Variants in MICU1 observed in about 807,000 individuals in gnomAD.
MICU1 encodes the protein mitochondrial calcium uptake 1.
MICU1 carries 45 observed loss-of-function variants against 56.8 expected under a neutral mutation model. The ratio of observed to expected loss-of-function variants is 0.79; its 90% CI spans 0.62 to 1.02. The LOEUF (loss-of-function observed/expected upper bound fraction) is 1.02, where lower values mean the gene tolerates loss of function less well. MICU1 is among the 50% of genes least tolerant of loss of function. The pLI, the probability that MICU1 is intolerant of heterozygous loss-of-function variation, is 0.00. For synonymous variants in MICU1, 186 were observed against 195.1 expected, an observed-to-expected ratio of 0.95 and a Z score of 0.39; for missense variants, 504 against 587.1, an observed-to-expected ratio of 0.86 and a Z score of 1.46.
intron 8 of MICU1, among the ~76,000 whole-genome samples, chr10:72,441,015 A>G (rs1864905037): frequency 6.6e-6 from 1 of 152,216 alleles, no homozygotes. Flanking sequence ...ATCTAGAACC[A>G]GAATTACCAT....
At chr10:72,375,556 G>A (rs1226899854) in intron 11 of MICU1, among the ~76,000 whole-genome samples, 1 of 152,180 alleles carries the variant, frequency 6.6e-6, no homozygotes, top group East Asian at 1.9e-4. Context: ...TAGGCCTATA[G>A]GCATATTGGA....
chr10:72,585,889 A>T (rs1841035418), intron 1 of MICU1, among the ~76,000 whole-genome samples: 1 of 151,858 alleles, frequency 6.6e-6, no homozygotes, highest in African/African-American at 2.4e-5. Flanking sequence ...TATACTCTAA[A>T]CCATCCCTAG....
chr10:72,505,034 T>C (rs923029575), intron 6 of MICU1, among the ~76,000 whole-genome samples: 1 of 151,724 alleles, frequency 6.6e-6, no homozygotes, highest in Non-Finnish European at 1.5e-5. Context: ...TGCAGTGGAG[T>C]GTGATCTCGG....
At chr10:72,456,104 T>C (rs1262269559) in intron 8 of MICU1, among the ~76,000 whole-genome samples, 1 of 152,178 alleles carries the variant, frequency 6.6e-6, no homozygotes, top group Non-Finnish European at 1.5e-5. Context: ...GTGGCAACTA[T>C]GAACAGCACC....
In MICU1 at chr10:72,408,940, A is replaced by G. The variant is rs75206186; in HGVS notation, c.1072-903T>C. Reference sequence around the variant, plus strand: ...ATCTAATGAAATTCTGTGAATGAAGATTTTTTTTTCAAAAACGGTTTAAAG... The same window carrying G: ...ATCTAATGAAATTCTGTGAATGAAGGTTTTTTTTTCAAAAACGGTTTAAAG... On this transcript the variant is annotated intron_variant, in intron 9 of 11. Coordinates refer to ENST00000361114, the MANE Select transcript of MICU1 (RefSeq NM_001195518.2). Among the ~76,000 whole-genome samples the G allele has an allele frequency of 7.2e-3, 1,097 of 151,646 alleles. 10 individuals carry two copies. Among genetic ancestry groups the G allele is most frequent in the Non-Finnish European group, 0.013 (885 of 67,886 alleles).
chr10:72,487,291 T>C (rs1163546890), intron 6 of MICU1, among the ~76,000 whole-genome samples: 1 of 152,112 alleles, frequency 6.6e-6, no homozygotes, highest in Non-Finnish European at 1.5e-5. Flanking sequence ...GCACATACAA[T>C]TCTGACAGAA....
intron 4 of MICU1, among the ~76,000 whole-genome samples, chr10:72,549,481 G>C (rs1432807699): frequency 2.0e-5 from 3 of 152,042 alleles, no homozygotes; most frequent in Non-Finnish European, 4.4e-5. Context: ...ATGAGCCACA[G>C]CGCCTGGCCC....
intron 1 of MICU1, among the ~76,000 whole-genome samples, chr10:72,600,877 T>C (rs1029260011): frequency 6.6e-5 from 10 of 152,132 alleles, no homozygotes; most frequent in African/African-American, 1.9e-4. Flanking sequence ...TATCCCCCCG[T>C]AGATAAGGGG....
intron 8 of MICU1, among the ~76,000 whole-genome samples, chr10:72,459,762 T>C (rs1413379819): frequency 6.6e-6 from 1 of 152,214 alleles, no homozygotes; most frequent in Non-Finnish European, 1.5e-5. Context: ...CAAATTCATA[T>C]ATCCAATTGC....
chr10:72,502,380 T>C (rs1341310534), intron 6 of MICU1, among the ~76,000 whole-genome samples: 1 of 152,142 alleles, frequency 6.6e-6, no homozygotes, highest in African/African-American at 2.4e-5. Context: ...GGTCTCGAAC[T>C]CCTGACCTCA....
intron 6 of MICU1, among the ~76,000 whole-genome samples, chr10:72,493,201 A>C (rs1242973365): frequency 6.6e-6 from 1 of 151,700 alleles, no homozygotes; most frequent in Non-Finnish European, 1.5e-5. Context: ...GTGTATACAC[A>C]CACACACACA....
At chr10:72,621,524 T>C (rs1842105497) in intron 1 of MICU1, among the ~76,000 whole-genome samples, 1 of 152,012 alleles carries the variant, frequency 6.6e-6, no homozygotes, top group African/African-American at 2.4e-5. Flanking sequence ...AAAAATAAAG[T>C]GGTTTCTATA....
intron 10 of MICU1, among the ~76,000 whole-genome samples, chr10:72,402,313 G>A (rs1401063129): frequency 6.6e-6 from 1 of 152,150 alleles, no homozygotes; most frequent in East Asian, 1.9e-4. Flanking sequence ...AAGGCATTTT[G>A]TTCCTGACTA....
At chr10:72,608,281 A>G (rs1841747213) in intron 1 of MICU1, among the ~76,000 whole-genome samples, 1 of 152,188 alleles carries the variant, frequency 6.6e-6, no homozygotes, top group Admixed American at 6.5e-5. Context: ...CATATTGGCC[A>G]GGCTGGTCTC....
At chr10:72,435,129 G>A (rs968947025) in intron 8 of MICU1, among the ~76,000 whole-genome samples, 5 of 152,090 alleles carry the variant, frequency 3.3e-5, no homozygotes, top group Admixed American at 3.3e-4. Flanking sequence ...GGTGGCTCAT[G>A]CCTGTGATCC....
At chr10:72,416,510 G>A (rs7918534) in intron 9 of MICU1, among the ~76,000 whole-genome samples, 6,259 of 152,156 alleles carry the variant, frequency 0.041, 422 homozygotes, top group African/African-American at 0.14. Context: ...AGGAGAGCTC[G>A]CATATATTAT....
At chr10:72,448,141 GTGTGTGTGTC>G (rs1340017501) in intron 8 of MICU1, among the ~76,000 whole-genome samples, 1 of 132,382 alleles carries the variant, frequency 7.6e-6, no homozygotes, top group East Asian at 2.0e-4. Flanking sequence ...GTGTGTGTGT[GTGTGTGTGTC>G]TGTGTGTGTG....
At chr10:72,613,868 G>A (rs1042069660) in intron 1 of MICU1, among the ~76,000 whole-genome samples, 4 of 152,020 alleles carry the variant, frequency 2.6e-5, no homozygotes, top group Non-Finnish European at 5.9e-5. Flanking sequence ...TAATAGGCTG[G>A]GTGCAGTGGC....
At chr10:72,426,905 T>C (rs1467418374) in intron 8 of MICU1, among the ~76,000 whole-genome samples, 1 of 152,194 alleles carries the variant, frequency 6.6e-6, no homozygotes. Context: ...CACAGGTTAT[T>C]ACAAAATTAT....
Sources: allele counts gnomAD v4.1 joint callset (sites outside exome capture counted in the v4.1 genomes callset), GRCh38; gene constraint gnomAD v4.1.1; transcripts MANE v1.5; gene names NCBI Gene and HGNC (gene_info 2026-07-23, HGNC 2026-07-21).